The following TMEM232 variants were observed in gnomAD, a reference collection of about 807,000 sequenced individuals.
The protein encoded by TMEM232 is transmembrane protein 232.
In TMEM232, 80 loss-of-function variants were observed where a neutral mutation model predicts 78.8. The observed-to-expected ratio is 1.01, with a 90% CI of 0.85 to 1.22. The LOEUF (loss-of-function observed/expected upper bound fraction) is 1.22. TMEM232 is among the 50% of genes most tolerant of loss of function. TMEM232 has a pLI of 0.00. For synonymous variants in TMEM232, 297 were observed against 254.3 expected (o/e 1.17, Z -1.60); for missense variants, 881 against 742.2 (o/e 1.19, Z -2.17).
At chr5:110,465,981 G>GA (rs990330873) in intron 12 of TMEM232, among the ~76,000 whole-genome samples, 5 of 151,742 alleles carry the variant, frequency 3.3e-5, no homozygotes, top group African/African-American at 1.2e-4. Flanking sequence ...TTAATGAGTT[G>GA]AAAAAAATGA....
Position 110,625,430 on chromosome 5 carries a change from A to G in TMEM232, c.605T>C (p.Leu202Pro). The change falls in exon 7 of 14, where the codon CTT (leucine) becomes CCT (proline). Residue 202 changes from leucine (L) to proline (P), a missense_variant. Leu to Pro is a moderately conservative substitution (Grantham distance 98). Coordinates refer to ENST00000455884, the MANE Select transcript of TMEM232 (RefSeq NM_001039763.4). ...GTGATATGATGCTCCAGAGAAAGAA[A>G]GTGCTATTGTAAGAAAAATCATCTG... ...LLRLQPYLYA[L>P]SFSGASYHKY... 3 of 1,506,846 alleles carry G rather than the reference A, an allele frequency of 2.0e-6. No individual in the cohort carries two copies. In the South Asian group the frequency reaches 4.0e-5, roughly 20 times the overall value. The allele number at this position is 1,506,846 out of a possible 1,614,324, so 93.3% of individuals were successfully genotyped here. A position where few individuals can be genotyped will look rare whatever the true frequency, so the allele number is the denominator to read the frequency against.
intron 6 of TMEM232, among the ~76,000 whole-genome samples, chr5:110,627,397 G>GAGT (rs1784552011): frequency 6.6e-6 from 1 of 152,100 alleles, no homozygotes; most frequent in South Asian, 2.1e-4. Flanking sequence ...CTGGAACAGG[G>GAGT]AGTAGGTCGT....
chr5:110,665,366 C>T (rs1418611224), intron 2 of TMEM232, among the ~76,000 whole-genome samples: 2 of 152,032 alleles, frequency 1.3e-5, no homozygotes, highest in African/African-American at 2.4e-5. Flanking sequence ...CTGTATTAGT[C>T]CGTTCTCACA....
chr5:110,690,952 C>T (rs137864835), intron 1 of TMEM232, among the ~76,000 whole-genome samples: 11 of 151,294 alleles, frequency 7.3e-5, no homozygotes, highest in African/African-American at 2.2e-4. Context: ...GGGAGGGGAA[C>T]GTCAAACACT....
At chr5:110,434,208 T>C (rs1758165914) in intron 12 of TMEM232, among the ~76,000 whole-genome samples, 2 of 150,470 alleles carry the variant, frequency 1.3e-5, no homozygotes, top group South Asian at 4.2e-4. Context: ...AATAAGATTA[T>C]TGATAGACTG....
intron 12 of TMEM232, among the ~76,000 whole-genome samples, chr5:110,446,455 G>C (rs906169320): frequency 1.3e-5 from 2 of 152,130 alleles, no homozygotes; most frequent in Non-Finnish European, 1.5e-5. Flanking sequence ...ATGAAAGATT[G>C]GAAGAGTTGC....
chr5:110,527,399 T>A (rs958897842), intron 12 of TMEM232, among the ~76,000 whole-genome samples: 2 of 151,946 alleles, frequency 1.3e-5, no homozygotes, highest in Non-Finnish European at 2.9e-5. Flanking sequence ...AAACGCTTGA[T>A]AATACCTTAG....
At chr5:110,499,161 G>A (rs2149438184) in intron 12 of TMEM232, among the ~76,000 whole-genome samples, 1 of 152,266 alleles carries the variant, frequency 6.6e-6, no homozygotes, top group Non-Finnish European at 1.5e-5. Flanking sequence ...AGCAGGGGAT[G>A]AAGAGATGCA....
intron 10 of TMEM232, among the ~76,000 whole-genome samples, chr5:110,583,050 C>T (rs1778391290): frequency 6.6e-6 from 1 of 151,794 alleles, no homozygotes; most frequent in South Asian, 2.1e-4. Context: ...GATTGAAATA[C>T]TTAATATTTT....
chr5:110,396,728 A>G (rs980266490), intron 3 of TMEM232, among the ~76,000 whole-genome samples: 2 of 152,226 alleles, frequency 1.3e-5, no homozygotes, highest in African/African-American at 4.8e-5. Flanking sequence ...ATTCTTTTAT[A>G]TAGTGATGAT....
intron 2 of TMEM232, among the ~76,000 whole-genome samples, chr5:110,403,112 G>A (rs1755664998): frequency 6.6e-6 from 1 of 152,138 alleles, no homozygotes; most frequent in African/African-American, 2.4e-5. Context: ...AGGGCCATTT[G>A]CAGTCAGCTA....
intron 4 of TMEM232, among the ~76,000 whole-genome samples, chr5:110,639,232 G>A (rs1369158982): frequency 6.6e-6 from 1 of 152,064 alleles, no homozygotes; most frequent in Non-Finnish European, 1.5e-5. Context: ...TTGAGTGGAG[G>A]GTGGATTACA....
intron 12 of TMEM232, among the ~76,000 whole-genome samples, chr5:110,484,540 T>C (rs1403879589): frequency 1.3e-5 from 2 of 152,014 alleles, no homozygotes; most frequent in Non-Finnish European, 2.9e-5. Context: ...GAAGAAATAA[T>C]TTTTAAAAAT....
chr5:110,693,097 G>A (rs1038492002), intron 1 of TMEM232, among the ~76,000 whole-genome samples: 2 of 152,162 alleles, frequency 1.3e-5, no homozygotes, highest in African/African-American at 4.8e-5. Flanking sequence ...GTACTCCTCT[G>A]AGACAAAACA....
downstream of TMEM232, among the ~76,000 whole-genome samples, chr5:110,416,338 A>C (rs116451525): frequency 2.0e-3 from 308 of 152,296 alleles, 2 homozygotes; most frequent in African/African-American, 7.0e-3. Context: ...CCTTTGTATT[A>C]AATATTTAGC....
intron 11 of TMEM232, among the ~76,000 whole-genome samples, chr5:110,553,198 T>C (rs1321950895): frequency 1.3e-5 from 2 of 152,162 alleles, no homozygotes; most frequent in African/African-American, 2.4e-5. Context: ...TTCTTTAGGA[T>C]TGCTTTGGCT....
At chr5:110,524,400 AAAGAAAGAAAGAAAG>A (rs1770178633) in intron 12 of TMEM232, among the ~76,000 whole-genome samples, 1 of 69,302 alleles carries the variant, frequency 1.4e-5, no homozygotes, top group Admixed American at 1.4e-4. Context: ...AGAAAGAAAG[AAAGAAAGAAAGAAAG>A]AAAAGAAAAG....
chr5:110,388,124 G>A (rs978080820), intron 4 of TMEM232: 2 of 152,198 alleles, frequency 1.3e-5, no homozygotes, highest in Non-Finnish European at 2.9e-5. Context: ...AAAGGGAAAT[G>A]TGGCAGACCG....
In TMEM232 at chr5:110,499,637, A is replaced by T. The variant is rs2633975; in HGVS notation, c.1703+28951T>A. On this transcript the variant is annotated intron_variant, in intron 12 of 13. Coordinates refer to ENST00000455884, the MANE Select transcript of TMEM232 (RefSeq NM_001039763.4). ...AAAATATATGTATACACCCCCCCCC[A>T]CACACACACATATATATATATATAA... Among the ~76,000 whole-genome samples, 429 of 129,814 alleles carry T rather than the reference A, an allele frequency of 3.3e-3. 3 individuals carry two copies. The highest frequency in any genetic ancestry group is 0.018 in the African/African-American group (414 of 23,580). The allele number at this position is 129,814 out of a possible 152,430, so 85.2% of individuals were successfully genotyped here.
Sources: allele counts gnomAD v4.1 joint callset (sites outside exome capture counted in the v4.1 genomes callset), GRCh38; gene constraint gnomAD v4.1.1; transcripts MANE v1.5; gene names NCBI Gene and HGNC (gene_info 2026-07-23, HGNC 2026-07-21).